The following RBFOX3 variants were observed in gnomAD, a reference collection of about 807,000 sequenced individuals.
RBFOX3 encodes the protein RNA binding protein fox-1 homolog 3.
In RBFOX3, 17 loss-of-function variants were observed where a neutral mutation model predicts 48.7. The ratio of observed to expected loss-of-function variants is 0.35; its 90% confidence interval spans 0.24 to 0.52. The LOEUF (loss-of-function observed/expected upper bound fraction) is 0.52. RBFOX3 is among the 20% of genes least tolerant of loss of function. The probability of loss-of-function intolerance (pLI) is 0.94; values close to 1 mark genes in which losing one functional copy is unlikely to be tolerated. For missense variants in RBFOX3, 382 were observed against 497.5 expected (o/e 0.77, Z 2.21); for synonymous variants, 212 against 209.5 (o/e 1.01, Z -0.10).
the RBFOX3 span, among the ~76,000 whole-genome samples, chr17:79,644,998 C>T: frequency 6.6e-6 from 1 of 152,202 alleles, no homozygotes; most frequent in African/African-American, 2.4e-5. Context: ...GTTATCCTCA[C>T]CTCCTCTCTT....
chr17:79,174,725 G>A (rs1037745921), intron 4 of RBFOX3, among the ~76,000 whole-genome samples: 13 of 152,076 alleles, frequency 8.5e-5, no homozygotes, highest in African/African-American at 3.1e-4. Flanking sequence ...TGCACACAAT[G>A]CATTCACACG....
chr17:79,381,042 A>G (rs2059847800), intron 2 of RBFOX3, among the ~76,000 whole-genome samples: 1 of 152,182 alleles, frequency 6.6e-6, no homozygotes, highest in Non-Finnish European at 1.5e-5. Context: ...TGGGCGAATC[A>G]TGAGGTCAGG....
At chr17:79,226,790 AT>A (rs1481012384) in intron 4 of RBFOX3, among the ~76,000 whole-genome samples, 1 of 152,238 alleles carries the variant, frequency 6.6e-6, no homozygotes, top group Non-Finnish European at 1.5e-5. Context: ...TGGATAAAAA[AT>A]ATCACATTAA....
intron 2 of RBFOX3, among the ~76,000 whole-genome samples, chr17:79,422,632 G>A (rs2066625103): frequency 2.0e-5 from 3 of 152,174 alleles, no homozygotes; most frequent in African/African-American, 7.2e-5. Flanking sequence ...GGCAGATGCT[G>A]GGTCGTCACC....
intron 2 of RBFOX3, among the ~76,000 whole-genome samples, chr17:79,332,858 G>T (rs904860661): frequency 6.6e-6 from 1 of 151,624 alleles, no homozygotes; most frequent in Non-Finnish European, 1.5e-5. Context: ...GTGGGGGAGA[G>T]AGAGAGACAG....
At chr17:79,357,679 C>T (rs1190602557) in intron 2 of RBFOX3, among the ~76,000 whole-genome samples, 3 of 140,078 alleles carry the variant, frequency 2.1e-5, no homozygotes, top group Non-Finnish European at 4.5e-5. Context: ...GACTTCACTC[C>T]TCATGCTAAA....
intron 1 of RBFOX3, among the ~76,000 whole-genome samples, chr17:79,512,491 A>G (rs1166787082): frequency 7.8e-4 from 78 of 100,074 alleles, no homozygotes; most frequent in African/African-American, 2.1e-3. Context: ...ATTACCATCG[A>G]GTACAGCCCC....
intron 2 of RBFOX3, among the ~76,000 whole-genome samples, chr17:79,403,782 CTTTTT>C (rs781618072): frequency 1.0e-4 from 13 of 124,354 alleles, no homozygotes; most frequent in African/African-American, 3.0e-4. Flanking sequence ...TGTTCTTTTT[CTTTTT>C]TTTTTTTTTT....
chr17:79,323,157 T>C (rs1054400604), intron 2 of RBFOX3, among the ~76,000 whole-genome samples: 2 of 152,206 alleles, frequency 1.3e-5, no homozygotes, highest in African/African-American at 4.8e-5. Context: ...TTATTGATAT[T>C]CTGATCCCAC....
Position 79,390,835 on chromosome 17 carries a change from C to A in RBFOX3, c.-174-83011G>T, listed in dbSNP as rs1247034860. Reference sequence around the variant, plus strand: ...CGCATGGAGCATCTGAGAGTTGAGGCAGCGGAACCCCTCACCAGGAGGCAC... The same window carrying A: ...CGCATGGAGCATCTGAGAGTTGAGGAAGCGGAACCCCTCACCAGGAGGCAC... On this transcript the variant is annotated intron_variant, in intron 2 of 14. Coordinates refer to ENST00000693108, the MANE Select transcript of RBFOX3 (RefSeq NM_001350451.2). This position sits in a 1 kb window ranked among gnomAD's most constrained non-coding sequence, Gnocchi z 4.2. Among the ~76,000 whole-genome samples the A allele has an allele frequency of 6.6e-6, 1 of 152,208 alleles. No homozygotes were observed. Among genetic ancestry groups the A allele is most frequent in the African/African-American group, 2.4e-5 (1 of 41,462 alleles).
At chr17:79,264,190 C>G (rs1370635669) in intron 3 of RBFOX3, among the ~76,000 whole-genome samples, 2 of 151,742 alleles carry the variant, frequency 1.3e-5, no homozygotes, top group South Asian at 4.2e-4. Flanking sequence ...ATTCTCATCC[C>G]TCGGCCTCCC....
chr17:79,660,867 A>G, the RBFOX3 span, among the ~76,000 whole-genome samples: 1 of 152,234 alleles, frequency 6.6e-6, no homozygotes, highest in South Asian at 2.1e-4. Flanking sequence ...TTGCAAAGAC[A>G]TGGTATCAAC....
chr17:79,153,971 G>A (rs1235272646), intron 4 of RBFOX3, among the ~76,000 whole-genome samples: 1 of 152,166 alleles, frequency 6.6e-6, no homozygotes, highest in Non-Finnish European at 1.5e-5. Context: ...GCCCAGTCCG[G>A]CTCCCACGGC....
chr17:79,189,848 G>A (rs1189561385), intron 4 of RBFOX3, among the ~76,000 whole-genome samples: 1 of 152,240 alleles, frequency 6.6e-6, no homozygotes, highest in Non-Finnish European at 1.5e-5. Flanking sequence ...ATATTTGCTT[G>A]GAGATGATGA....
At chr17:79,642,829 A>G in the RBFOX3 span, among the ~76,000 whole-genome samples, 1 of 152,332 alleles carries the variant, frequency 6.6e-6, no homozygotes, top group African/African-American at 2.4e-5. Context: ...CAAAATACCA[A>G]TGGACTAAAT....
intron 3 of RBFOX3, among the ~76,000 whole-genome samples, chr17:79,240,650 T>C (rs966858334): frequency 4.6e-5 from 7 of 152,226 alleles, no homozygotes; most frequent in African/African-American, 1.7e-4. Flanking sequence ...TCTGTTTCAC[T>C]TTATTTTTAA....
intron 1 of RBFOX3, chr17:79,508,966 C>T (rs1197528058): frequency 6.6e-6 from 1 of 152,330 alleles, no homozygotes; most frequent in Non-Finnish European, 1.5e-5. Flanking sequence ...GGCTCTCAAC[C>T]TCACCTGCAG....
chr17:79,313,333 G>C (rs1185179887), intron 2 of RBFOX3, among the ~76,000 whole-genome samples: 1 of 152,196 alleles, frequency 6.6e-6, no homozygotes, highest in Non-Finnish European at 1.5e-5. Flanking sequence ...CAAACGTCCA[G>C]AGCACGGACC....
chr17:79,547,170 G>A lies in RBFOX3; in HGVS notation c.-320+63656C>T, dbSNP rs142127467. On this transcript the variant is annotated intron_variant, in intron 1 of 14. Transcript: ENST00000693108. ...GCATCTTTCAAGCCAACTCCCAAGC[G>A]TTCACTTTTCTATTAAAAAATCACT... Among the ~76,000 whole-genome samples, 185 of 152,202 alleles carry A rather than the reference G, an allele frequency of 1.2e-3. 6 individuals carry two copies. The East Asian group carries it at 0.029, about 24-fold the overall frequency.
Sources: gnomAD v4.1 joint callset for allele counts (sites outside exome capture counted in the v4.1 genomes callset) on GRCh38, gnomAD v4.1.1 for gene constraint, Gnocchi (gnomAD v3.1) non-coding constraint, MANE v1.5 for transcripts, NCBI Gene and HGNC (gene_info 2026-07-23, HGNC 2026-07-21) for gene names.